Variants in IQCJ observed in about 807,000 individuals in gnomAD.
IQCJ encodes IQ domain-containing protein J.
A neutral mutation model predicts 11.0 loss-of-function variants in IQCJ; 9 were observed. The ratio of observed to expected loss-of-function variants is 0.82; its 90% CI spans 0.49 to 1.43. The LOEUF is 1.43. Ranked by LOEUF, IQCJ falls within the 40% of genes most tolerant of loss-of-function variation. The probability of loss-of-function intolerance (pLI) is 0.00; values close to 1 mark genes in which losing one functional copy is unlikely to be tolerated. For missense variants in IQCJ, 146 were observed against 133.2 expected (o/e 1.10, Z -0.47); for synonymous variants, 55 against 51.3 (o/e 1.07, Z -0.31).
chr3:159,180,533 T>C (rs990586300), intron 1 of IQCJ, among the ~76,000 whole-genome samples: 2 of 151,914 alleles, frequency 1.3e-5, no homozygotes, highest in African/African-American at 4.9e-5. Flanking sequence ...AAAAAGAGTA[T>C]AGTAAATGGA....
intron 1 of IQCJ, 135 bp from the exon 2 acceptor site, chr3:159,245,708 C>T (rs1377555021): frequency 2.1e-5 from 13 of 611,992 alleles, no homozygotes; most frequent in South Asian, 8.3e-5. Context: ...GTGATCCACC[C>T]GCCTCGGCCT....
Position 159,149,788 on chromosome 3 carries a change from C to T in IQCJ, c.9+80347C>T, listed in dbSNP as rs112967698. 2.8e-3 allele frequency among the ~76,000 whole-genome samples: 421 copies of T among 152,248 alleles called. 1 individual carries two copies. Among genetic ancestry groups the T allele is most frequent in the African/African-American group, 9.8e-3 (405 of 41,538 alleles). On this transcript the variant is annotated intron_variant, in intron 1 of 3. Transcript: ENST00000397832. ...TATTGTTCTTATATCCCATTTGACA[C>T]CAAGCATTGAATCTGTTCTCAGCCT...
At chr3:159,201,511 CTG>C (rs59855853) in intron 1 of IQCJ, among the ~76,000 whole-genome samples, 56,990 of 148,882 alleles carry the variant, frequency 0.38, 11,130 homozygotes, top group Non-Finnish European at 0.45. Context: ...TTGTGTATCT[CTG>C]TGTGTGTGTG....
chr3:159,233,265 C>T (rs1726374233), intron 1 of IQCJ, among the ~76,000 whole-genome samples: 1 of 152,064 alleles, frequency 6.6e-6, no homozygotes, highest in Admixed American at 6.5e-5. Context: ...TCCTGCCAGG[C>T]CCAGGGGCTT....
chr3:159,178,782 G>T (rs1370844453), intron 1 of IQCJ, among the ~76,000 whole-genome samples: 1 of 152,092 alleles, frequency 6.6e-6, no homozygotes, highest in Non-Finnish European at 1.5e-5. Flanking sequence ...TATTATCTCA[G>T]TTGTAGGAGA....
intron 1 of IQCJ, among the ~76,000 whole-genome samples, chr3:159,158,965 C>T (rs1368623236): frequency 6.6e-6 from 1 of 152,142 alleles, no homozygotes; most frequent in Non-Finnish European, 1.5e-5. Flanking sequence ...ACTGGAGGCC[C>T]AGTAGGCCAC....
At chr3:159,071,299 TTAATGTTATAC>T (rs1715544551) in intron 1 of IQCJ, among the ~76,000 whole-genome samples, 1 of 152,036 alleles carries the variant, frequency 6.6e-6, no homozygotes. Flanking sequence ...GTGTAGGCTA[TTAATGTTATAC>T]TCATATATTG....
At chr3:159,077,840 A>C (rs1429224305) in intron 1 of IQCJ, among the ~76,000 whole-genome samples, 1 of 152,118 alleles carries the variant, frequency 6.6e-6, no homozygotes, top group African/African-American at 2.4e-5. Context: ...TCAATAAAAA[A>C]TTCCTTTGTT....
chr3:159,133,516 C>A (rs963070703), intron 1 of IQCJ, among the ~76,000 whole-genome samples: 6 of 152,090 alleles, frequency 3.9e-5, no homozygotes, highest in African/African-American at 1.4e-4. Context: ...AATTTCCCTG[C>A]AGAGAAAATG....
chr3:159,227,777 T>C (rs1725946293), intron 1 of IQCJ, among the ~76,000 whole-genome samples: 1 of 152,238 alleles, frequency 6.6e-6, no homozygotes, highest in South Asian at 2.1e-4. Context: ...AAAAAAGGAA[T>C]GCATTTTCGG....
At chr3:159,163,641 A>G (rs1163990392) in intron 1 of IQCJ, among the ~76,000 whole-genome samples, 1 of 152,210 alleles carries the variant, frequency 6.6e-6, no homozygotes, top group Non-Finnish European at 1.5e-5. Flanking sequence ...CTGGGATTAC[A>G]GACTTGAGCC....
At chr3:159,259,417 C>CAA (rs543591617) in intron 3 of IQCJ, among the ~76,000 whole-genome samples, 1 of 148,396 alleles carries the variant, frequency 6.7e-6, no homozygotes, top group African/African-American at 2.5e-5. Context: ...TGTCTAGTTT[C>CAA]AAAAAAAAAA....
chr3:159,072,476 C>T (rs1002133980), intron 1 of IQCJ, among the ~76,000 whole-genome samples: 2 of 151,616 alleles, frequency 1.3e-5, no homozygotes, highest in Non-Finnish European at 2.9e-5. Context: ...AAGAGGAAAT[C>T]AAATTTAAAA....
At chr3:159,183,001 A>G (rs1049545723) in intron 1 of IQCJ, among the ~76,000 whole-genome samples, 4 of 152,088 alleles carry the variant, frequency 2.6e-5, no homozygotes, top group African/African-American at 9.7e-5. Flanking sequence ...AGTAGTAGCA[A>G]TGGAGGTCTC....
At chr3:159,209,518 C>T (rs576920422) in intron 1 of IQCJ, among the ~76,000 whole-genome samples, 1 of 152,264 alleles carries the variant, frequency 6.6e-6, no homozygotes, top group East Asian at 1.9e-4. Flanking sequence ...CACCCTGACC[C>T]TCCACTGAGC....
intron 1 of IQCJ, among the ~76,000 whole-genome samples, chr3:159,185,289 G>T (rs181477154): frequency 6.2e-4 from 94 of 152,226 alleles, no homozygotes; most frequent in African/African-American, 2.2e-3. Flanking sequence ...TATCTCACAG[G>T]AGGGCATTCT....
chr3:159,197,073 C>A (rs541678305), intron 1 of IQCJ, among the ~76,000 whole-genome samples: 3 of 150,820 alleles, frequency 2.0e-5, no homozygotes, highest in South Asian at 4.2e-4. Flanking sequence ...TAAGATTGAT[C>A]CTGAATTCTT....
chr3:159,107,369 A>G (rs987725612), intron 1 of IQCJ, among the ~76,000 whole-genome samples: 1 of 152,220 alleles, frequency 6.6e-6, no homozygotes, highest in African/African-American at 2.4e-5. Context: ...CTCACCAGAC[A>G]GCAAATGTGC....
chr3:159,192,245 C>T (rs1225916943), intron 1 of IQCJ, among the ~76,000 whole-genome samples: 2 of 152,148 alleles, frequency 1.3e-5, no homozygotes, highest in Admixed American at 6.5e-5. Context: ...AATTTATGTG[C>T]TTTGGAGACA....
Sources: allele counts gnomAD v4.1 joint callset (sites outside exome capture counted in the v4.1 genomes callset), GRCh38; gene constraint gnomAD v4.1.1; transcripts MANE v1.5; gene names NCBI Gene and HGNC (gene_info 2026-07-23, HGNC 2026-07-21).